The following PTPRN2 variants were observed in gnomAD, a reference collection of about 807,000 sequenced individuals.
The protein encoded by PTPRN2 is receptor-type tyrosine-protein phosphatase N2.
A neutral mutation model predicts 118.8 loss-of-function variants in PTPRN2; 74 were observed. The ratio of observed to expected loss-of-function variants is 0.62; its 90% CI spans 0.52 to 0.76. PTPRN2 has a LOEUF of 0.76. PTPRN2 is among the 30% of genes least tolerant of loss of function. The pLI is 0.00. For synonymous variants in PTPRN2, 641 were observed against 608.0 expected, an observed-to-expected ratio of 1.05 and a Z score of -0.80; for missense variants, 1,481 against 1,394.4, an observed-to-expected ratio of 1.06 and a Z score of -0.99.
At chr7:158,139,236 G>A (rs11763130) in intron 6 of PTPRN2, among the ~76,000 whole-genome samples, 88,067 of 152,028 alleles carry the variant, frequency 0.58, 26,374 homozygotes, top group Middle Eastern at 0.64. Context: ...TGCCATAACC[G>A]CGGAGAGATG....
intron 2 of PTPRN2, among the ~76,000 whole-genome samples, chr7:158,447,085 T>C (rs1425685872): frequency 6.6e-6 from 1 of 152,216 alleles, no homozygotes; most frequent in Non-Finnish European, 1.5e-5. Flanking sequence ...GGATGGCCTC[T>C]GATTGTCAAA....
intron 11 of PTPRN2, among the ~76,000 whole-genome samples, chr7:158,076,655 C>T (rs1812383677): frequency 1.3e-5 from 2 of 152,218 alleles, no homozygotes; most frequent in South Asian, 4.1e-4. Context: ...ACACTGGACC[C>T]CACATCCAGG....
chr7:158,070,287 CTCG>C (rs1342824289), intron 11 of PTPRN2, among the ~76,000 whole-genome samples: 19 of 143,664 alleles, frequency 1.3e-4, no homozygotes, highest in African/African-American at 5.6e-4. Context: ...GGTGGAGGTG[CTCG>C]TGGTGGTGGA....
At chr7:158,494,351 G>T (rs1208139364) in intron 1 of PTPRN2, among the ~76,000 whole-genome samples, 1 of 152,216 alleles carries the variant, frequency 6.6e-6, no homozygotes, top group Non-Finnish European at 1.5e-5. Context: ...CAGGCTTCTC[G>T]CCTGACTGCC....
In PTPRN2 at chr7:158,517,003, T is replaced by C. The variant is rs1823624848; in HGVS notation, c.113-27218A>G. On this transcript the variant is annotated intron_variant, in intron 1 of 22. Coordinates refer to ENST00000389418, the MANE Select transcript of PTPRN2 (RefSeq NM_002847.5). The surrounding 1 kb of genome is among the most constrained non-coding windows in gnomAD (Gnocchi z 5.3). ...GTAAACCGTAGCCCAGCAGAACCAC[T>C]CGTGAGTCCTGTGATTCCTTCCAAA... Among the ~76,000 whole-genome samples, 1 of 152,200 alleles carries C rather than the reference T, an allele frequency of 6.6e-6. No individual in the cohort carries two copies. The highest frequency in any genetic ancestry group is 6.5e-5 in the Admixed American group (1 of 15,280).
intron 1 of PTPRN2, among the ~76,000 whole-genome samples, chr7:158,554,898 C>T (rs568369257): frequency 6.6e-6 from 1 of 152,296 alleles, no homozygotes; most frequent in South Asian, 2.1e-4. Context: ...CTGCCAGCAG[C>T]ACAGACAGCC....
At chr7:158,236,567 C>T (rs529162396) in intron 3 of PTPRN2, among the ~76,000 whole-genome samples, 1 of 152,232 alleles carries the variant, frequency 6.6e-6, no homozygotes, top group East Asian at 1.9e-4. Flanking sequence ...AGCTGTGAGC[C>T]TCGAGATGCC....
At position 158,509,683 on chromosome 7, in the gene PTPRN2, G is replaced by C. The variant is rs926254404; in HGVS notation, c.113-19898C>G. ...CTACTGACAACACACTAGCAGAAGAGACCACACGTCTGTCAGCGCCCACAG... is the reference window on the plus strand; with the variant it reads ...CTACTGACAACACACTAGCAGAAGACACCACACGTCTGTCAGCGCCCACAG... On this transcript the variant is annotated intron_variant, in intron 1 of 22. Transcript: ENST00000389418. The surrounding 1 kb of genome is among the most constrained non-coding windows in gnomAD (Gnocchi z 4.4). Among the ~76,000 whole-genome samples the C allele has an allele frequency of 3.3e-5, 5 of 152,344 alleles. No individual in the cohort carries two copies. Among genetic ancestry groups the C allele is most frequent in the African/African-American group, 9.6e-5 (4 of 41,584 alleles).
At chr7:158,508,621 C>CA (rs1822950989) in intron 1 of PTPRN2, among the ~76,000 whole-genome samples, 4 of 141,706 alleles carry the variant, frequency 2.8e-5, no homozygotes, top group African/African-American at 1.1e-4. Context: ...GTGGGACGCT[C>CA]GGAGCAGGTG....
intron 17 of PTPRN2, among the ~76,000 whole-genome samples, chr7:157,582,271 T>C (rs1800429531): frequency 6.6e-6 from 1 of 152,202 alleles, no homozygotes; most frequent in South Asian, 2.1e-4. Context: ...CTCTAGGTCC[T>C]TTTTGAGTGC....
chr7:157,670,686 C>T (rs1327683155), intron 13 of PTPRN2, among the ~76,000 whole-genome samples: 1 of 152,208 alleles, frequency 6.6e-6, no homozygotes, highest in Non-Finnish European at 1.5e-5. Flanking sequence ...GGATGACTCA[C>T]CGGGCAATTA....
rs537916952 is a variant in PTPRN2, at chr7:157,969,557, C to T, written c.1724-70820G>A. Among the ~76,000 whole-genome samples, 77 of 152,154 alleles carry T rather than the reference C, an allele frequency of 5.1e-4. No individual in the cohort carries two copies. In the South Asian group the frequency reaches 0.016, roughly 31 times the overall value. On this transcript the variant is annotated intron_variant, in intron 11 of 22. Coordinates refer to ENST00000389418, the MANE Select transcript of PTPRN2 (RefSeq NM_002847.5). ...GGGTGCTGCCTGGGTTTCATCAGAA[C>T]CTCCTGAGGTGGGGGCCAGGGGTAG...
At chr7:158,424,869 CGCCAGG>C (rs1204279781) in intron 2 of PTPRN2, among the ~76,000 whole-genome samples, 17 of 151,112 alleles carry the variant, frequency 1.1e-4, no homozygotes, top group African/African-American at 3.9e-4. Flanking sequence ...TAATCTCCCA[CGCCAGG>C]TGTGCTCAGC....
intron 12 of PTPRN2, among the ~76,000 whole-genome samples, chr7:157,890,127 G>A (rs1215038421): frequency 6.6e-6 from 1 of 151,500 alleles, no homozygotes; most frequent in African/African-American, 2.4e-5. Context: ...TCGATGGAGT[G>A]TCTTCTTAGG....
intron 11 of PTPRN2, among the ~76,000 whole-genome samples, chr7:157,962,115 A>C (rs1311853562): frequency 6.6e-6 from 1 of 152,256 alleles, no homozygotes; most frequent in Non-Finnish European, 1.5e-5. Flanking sequence ...AAACAGTTTC[A>C]GTGAAGAAGA....
At chr7:158,320,519 C>T (rs1468887563) in intron 2 of PTPRN2, among the ~76,000 whole-genome samples, 5 of 57,376 alleles carry the variant, frequency 8.7e-5, no homozygotes, top group Admixed American at 1.8e-4. Context: ...TCCTCAGCAG[C>T]GCCAGGTGGC....
intron 12 of PTPRN2, among the ~76,000 whole-genome samples, chr7:157,817,378 C>A (rs928383126): frequency 1.3e-5 from 2 of 152,114 alleles, no homozygotes; most frequent in African/African-American, 4.8e-5. Flanking sequence ...TGCCTCCCAG[C>A]AGGAGAACAG....
At chr7:157,899,492 TA>T (rs1349176054) in intron 11 of PTPRN2, among the ~76,000 whole-genome samples, 1 of 152,206 alleles carries the variant, frequency 6.6e-6, no homozygotes, top group African/African-American at 2.4e-5. Context: ...TGCGTTTGCA[TA>T]AAGCCCTTGT....
In PTPRN2 at chr7:157,603,619, T is replaced by C. The variant is rs1801818212; in HGVS notation, c.2418+383A>G. 6.6e-6 allele frequency among the ~76,000 whole-genome samples: 1 copy of C among 152,060 alleles called. No homozygotes were observed. Among genetic ancestry groups the C allele is most frequent in the South Asian group, 2.1e-4 (1 of 4,818 alleles). On this transcript the variant is annotated intron_variant, in intron 16 of 22. Transcript: ENST00000389418. The surrounding 1 kb of genome is among the most constrained non-coding windows in gnomAD (Gnocchi z 5.4). ...AAGCCACTGATTGTTACAAAAAGCG[T>C]AGACTGAGGCCTCATGTCCCCATGC... is the stretch of plus-strand genomic sequence containing the variant.
Sources: gnomAD v4.1 joint callset for allele counts (sites outside exome capture counted in the v4.1 genomes callset) on GRCh38, gnomAD v4.1.1 for gene constraint, Gnocchi (gnomAD v3.1) non-coding constraint, MANE v1.5 for transcripts, NCBI Gene and HGNC (gene_info 2026-07-23, HGNC 2026-07-21) for gene names.